The following FSTL4 variants were observed in gnomAD, a reference collection of about 807,000 sequenced individuals.
The protein encoded by FSTL4 is follistatin-related protein 4.
A neutral mutation model predicts 78.2 loss-of-function variants in FSTL4; 28 were observed. That is an observed-to-expected ratio of 0.36 (90% confidence interval 0.27 to 0.49). The LOEUF is 0.49. Among genes scored for constraint, FSTL4 ranks in the 20% least tolerant of loss-of-function variants. The probability of loss-of-function intolerance (pLI) is 0.98; values close to 1 mark genes in which losing one functional copy is unlikely to be tolerated. For missense variants in FSTL4, 922 were observed against 1,084.9 expected, an observed-to-expected ratio of 0.85 and a Z score of 2.11; for synonymous variants, 422 against 440.5, an observed-to-expected ratio of 0.96 and a Z score of 0.53.
chr5:133,826,094 T>C, the FSTL4 span, among the ~76,000 whole-genome samples: 9 of 152,268 alleles, frequency 5.9e-5, no homozygotes, highest in Non-Finnish European at 1.2e-4. Flanking sequence ...CAAAAGTACA[T>C]GCAGCATCAG....
At chr5:133,379,387 A>G (rs1755513802) in intron 4 of FSTL4, among the ~76,000 whole-genome samples, 1 of 152,138 alleles carries the variant, frequency 6.6e-6, no homozygotes, top group Non-Finnish European at 1.5e-5. Context: ...TGACAAAACT[A>G]TGATACAACT....
chr5:133,752,038 G>A, the FSTL4 span, among the ~76,000 whole-genome samples: 3 of 152,142 alleles, frequency 2.0e-5, no homozygotes, highest in South Asian at 2.1e-4. Context: ...TGCAAGCCCC[G>A]CCCTTCCAGG....
chr5:133,815,605 G>T, the FSTL4 span, among the ~76,000 whole-genome samples: 94 of 152,294 alleles, frequency 6.2e-4, no homozygotes, highest in Non-Finnish European at 1.0e-3. Context: ...GAATTACCTG[G>T]GGGAATCTGG....
Position 133,504,215 on chromosome 5 carries a change from C to G in FSTL4, c.160+62971G>C, listed in dbSNP as rs571836928. Among the ~76,000 whole-genome samples, 10 of 152,170 alleles carry G rather than the reference C, an allele frequency of 6.6e-5. No individual in the cohort carries two copies. The East Asian group carries it at 1.9e-3, about 29-fold the overall frequency. ...ACCCCCAAAAGACCTGGTCCTCCCC[C>G]CGAAACTCCCTGTATTAGTGTTTAG... On this transcript the variant is annotated intron_variant, in intron 3 of 15. Transcript: ENST00000265342.
chr5:133,305,233 G>A (rs1031850090), intron 6 of FSTL4, among the ~76,000 whole-genome samples: 9 of 152,186 alleles, frequency 5.9e-5, no homozygotes, highest in African/African-American at 2.2e-4. Context: ...TGCAGTGATG[G>A]GGACTCACCA....
In FSTL4 at chr5:133,603,783, G is replaced by A. The variant is rs528745080; in HGVS notation, c.126+75C>T. On this transcript the variant is annotated intron_variant, in intron 2 of 15. Coordinates refer to ENST00000265342, the MANE Select transcript of FSTL4 (RefSeq NM_015082.2). ...GATCTAACTGATCTAAACTAAAGGT[G>A]GAGGGGAAATCAGATACTGTAACAT... 3.4e-6 allele frequency: 5 copies of A among 1,485,276 alleles called. No homozygotes were observed. In the East Asian group the frequency reaches 1.1e-4, roughly 34 times the overall value. 92.0% of individuals were successfully genotyped at this position (1,485,276 alleles called of 1,614,324 possible).
At chr5:133,813,009 TAAC>T in the FSTL4 span, among the ~76,000 whole-genome samples, 2 of 152,240 alleles carry the variant, frequency 1.3e-5, no homozygotes, top group African/African-American at 4.8e-5. Context: ...GCCATCGTGT[TAAC>T]ATTCTGTTGA....
chr5:133,769,852 C>T, the FSTL4 span, among the ~76,000 whole-genome samples: 270 of 152,270 alleles, frequency 1.8e-3, no homozygotes, highest in African/African-American at 6.0e-3. Context: ...TCAATCCCCT[C>T]CCAACTTTCC....
chr5:133,244,217 T>C (rs1326554616), intron 7 of FSTL4: 1 of 152,250 alleles, frequency 6.6e-6, no homozygotes, highest in East Asian at 2.0e-4. Flanking sequence ...AATGGCCCCT[T>C]GTGGGGGCCC....
At chr5:133,823,866 C>T in the FSTL4 span, among the ~76,000 whole-genome samples, 4 of 152,218 alleles carry the variant, frequency 2.6e-5, no homozygotes, top group South Asian at 2.1e-4. Context: ...TGCAACTCCC[C>T]GCTGCAGAAC....
the FSTL4 span, among the ~76,000 whole-genome samples, chr5:133,825,655 C>A: frequency 6.6e-6 from 1 of 152,236 alleles, no homozygotes; most frequent in Non-Finnish European, 1.5e-5. Context: ...GGGGCATGGC[C>A]CTCACCAGTA....
the FSTL4 span, among the ~76,000 whole-genome samples, chr5:133,642,024 A>G: frequency 2.0e-5 from 3 of 151,908 alleles, no homozygotes; most frequent in Non-Finnish European, 2.9e-5. Flanking sequence ...CTGTCTCTCA[A>G]TACCTTCTTC....
At chr5:133,674,752 C>T in the FSTL4 span, among the ~76,000 whole-genome samples, 4,155 of 152,208 alleles carry the variant, frequency 0.027, 194 homozygotes, top group African/African-American at 0.094. Flanking sequence ...AAATTGAATA[C>T]ATCAGTGCAA....
At chr5:133,382,116 C>T (rs559940524) in intron 4 of FSTL4, among the ~76,000 whole-genome samples, 1 of 152,344 alleles carries the variant, frequency 6.6e-6, no homozygotes, top group African/African-American at 2.4e-5. Flanking sequence ...CCAGATACCC[C>T]CTGAAGAGGT....
chr5:133,217,784 CAAGG>C (rs1750963176), intron 12 of FSTL4, among the ~76,000 whole-genome samples: 1 of 152,170 alleles, frequency 6.6e-6, no homozygotes, highest in East Asian at 1.9e-4. Flanking sequence ...TTGTTCTCCC[CAAGG>C]TCAACATGGA....
intron 3 of FSTL4, among the ~76,000 whole-genome samples, chr5:133,483,099 A>G (rs1758063340): frequency 6.6e-6 from 1 of 152,124 alleles, no homozygotes; most frequent in Admixed American, 6.5e-5. Flanking sequence ...ATGATAGTGA[A>G]TAAGACTTAT....
At chr5:133,306,673 C>T (rs1400535364) in intron 6 of FSTL4, among the ~76,000 whole-genome samples, 1 of 152,210 alleles carries the variant, frequency 6.6e-6, no homozygotes, top group Non-Finnish European at 1.5e-5. Flanking sequence ...TGCAGAGACC[C>T]TCTGGGATCG....
At chr5:133,389,846 A>C (rs1165581379) in intron 4 of FSTL4, among the ~76,000 whole-genome samples, 3 of 152,218 alleles carry the variant, frequency 2.0e-5, no homozygotes, top group Non-Finnish European at 4.4e-5. Context: ...ATTTTGATGG[A>C]AATATGGATC....
At chr5:133,458,952 C>G (rs966624376) in intron 3 of FSTL4, among the ~76,000 whole-genome samples, 2 of 152,128 alleles carry the variant, frequency 1.3e-5, no homozygotes, top group Non-Finnish European at 1.5e-5. Context: ...AGAGGCGCAG[C>G]GGACATTAGA....
Sources: allele counts gnomAD v4.1 joint callset (sites outside exome capture counted in the v4.1 genomes callset), GRCh38; gene constraint gnomAD v4.1.1; transcripts MANE v1.5; gene names NCBI Gene and HGNC (gene_info 2026-07-23, HGNC 2026-07-21).